Variants in STX8 observed in about 807,000 individuals in gnomAD.
The protein encoded by STX8 is syntaxin-8.
Under a neutral mutation model 37.5 loss-of-function variants are expected in STX8, and 23 were observed. The observed-to-expected ratio is 0.61, with a 90% CI of 0.44 to 0.87. STX8 has a LOEUF of 0.87. STX8 is among the 40% of genes least tolerant of loss of function. The probability of loss-of-function intolerance (pLI) is 0.00; values close to 1 mark genes in which losing one functional copy is unlikely to be tolerated. For synonymous variants in STX8, 115 were observed against 99.1 expected (o/e 1.16, Z -0.95); for missense variants, 313 against 284.7 (o/e 1.10, Z -0.71).
intron 6 of STX8, among the ~76,000 whole-genome samples, chr17:9,485,456 T>TA (rs899296947): frequency 3.0e-4 from 45 of 152,104 alleles, no homozygotes; most frequent in East Asian, 1.2e-3. Context: ...CCTCAAAGGG[T>TA]AAAAAAATGT....
chr17:9,570,962 T>C (rs760337179), intron 1 of STX8, among the ~76,000 whole-genome samples: 2 of 151,894 alleles, frequency 1.3e-5, no homozygotes, highest in Non-Finnish European at 2.9e-5. Flanking sequence ...CAAAGATGAA[T>C]GGAAGGAAAC....
At chr17:9,267,500 C>T (rs560109039) in intron 7 of STX8, among the ~76,000 whole-genome samples, 8 of 152,322 alleles carry the variant, frequency 5.3e-5, no homozygotes, top group Middle Eastern at 3.4e-3. Flanking sequence ...CACCACAGCA[C>T]GAGTGAGACC....
At chr17:9,439,097 A>G (rs1263469239) in intron 6 of STX8, among the ~76,000 whole-genome samples, 1 of 152,136 alleles carries the variant, frequency 6.6e-6, no homozygotes. Context: ...TAAAAATATA[A>G]ATGCCATTCT....
At chr17:9,461,393 C>T (rs763954399) in intron 6 of STX8, 1 of 152,130 alleles carries the variant, frequency 6.6e-6, no homozygotes, top group South Asian at 2.1e-4. Context: ...CCTACCACCA[C>T]CCTAGATTCT....
chr17:9,321,569 G>C (rs1298834101), intron 7 of STX8, among the ~76,000 whole-genome samples: 3 of 151,758 alleles, frequency 2.0e-5, no homozygotes, highest in Non-Finnish European at 4.4e-5. Context: ...GCCCAGGCTG[G>C]AGTACACTGG....
chr17:9,366,531 G>A (rs1286893227), intron 7 of STX8, among the ~76,000 whole-genome samples: 1 of 152,124 alleles, frequency 6.6e-6, no homozygotes, highest in African/African-American at 2.4e-5. Context: ...CACCCGGCCT[G>A]CGTTACATTT....
intron 7 of STX8, among the ~76,000 whole-genome samples, chr17:9,321,812 C>G (rs1189095459): frequency 6.6e-6 from 1 of 152,102 alleles, no homozygotes; most frequent in Non-Finnish European, 1.5e-5. Context: ...GCCGCCATGC[C>G]CAGCATAAAT....
chr17:9,439,432 G>T (rs1234632349), intron 6 of STX8, among the ~76,000 whole-genome samples: 1 of 151,956 alleles, frequency 6.6e-6, no homozygotes, highest in Non-Finnish European at 1.5e-5. Flanking sequence ...TTAAAAAATT[G>T]ATATCAGTTT....
At chr17:9,568,034 G>C in intron 2 of STX8, among the ~76,000 whole-genome samples, 1 of 152,050 alleles carries the variant, frequency 6.6e-6, no homozygotes, top group Non-Finnish European at 1.5e-5. Flanking sequence ...CTATTCTTGT[G>C]GTGAGAATGG....
At chr17:9,510,510 C>T (rs1295649111) in intron 4 of STX8, among the ~76,000 whole-genome samples, 1 of 152,070 alleles carries the variant, frequency 6.6e-6, no homozygotes, top group African/African-American at 2.4e-5. Flanking sequence ...ACAACATGCT[C>T]TTGAACAGCC....
At chr17:9,296,655 G>C (rs1280346268) in intron 7 of STX8, among the ~76,000 whole-genome samples, 4 of 150,692 alleles carry the variant, frequency 2.7e-5, no homozygotes, top group Non-Finnish European at 4.4e-5. Flanking sequence ...CAAACCAAGG[G>C]CATTTCTAGA....
intron 3 of STX8, chr17:9,553,144 G>A (rs1906837115): frequency 6.6e-6 from 1 of 152,112 alleles, no homozygotes; most frequent in South Asian, 2.1e-4. Flanking sequence ...AGTACTATCT[G>A]GAATTTCATA....
chr17:9,430,684 C>T (rs1913928986), intron 6 of STX8, among the ~76,000 whole-genome samples: 1 of 140,350 alleles, frequency 7.1e-6, no homozygotes, highest in Non-Finnish European at 1.5e-5. Flanking sequence ...GAGTCTCGCT[C>T]TGTTGCCCAG....
At chr17:9,387,125 T>C (rs950078909) in intron 6 of STX8, among the ~76,000 whole-genome samples, 1 of 152,198 alleles carries the variant, frequency 6.6e-6, no homozygotes, top group Non-Finnish European at 1.5e-5. Context: ...AGATCCAAAC[T>C]TTAGCAAACG....
chr17:9,568,292 G>A (rs1267341631), intron 2 of STX8, 79 bp downstream of exon 2: 2 of 1,031,188 alleles, frequency 1.9e-6, no homozygotes, highest in Non-Finnish European at 2.9e-6. Context: ...TGCACAGACA[G>A]CCTCAAAGAA....
intron 1 of STX8, among the ~76,000 whole-genome samples, chr17:9,571,942 G>A (rs968734857): frequency 6.6e-5 from 10 of 151,768 alleles, no homozygotes; most frequent in Non-Finnish European, 1.3e-4. Context: ...AGGTGTGGAG[G>A]GTAGAGATGA....
intron 6 of STX8, among the ~76,000 whole-genome samples, chr17:9,472,378 G>C (rs1185531714): frequency 2.6e-5 from 4 of 152,200 alleles, no homozygotes; most frequent in African/African-American, 9.7e-5. Context: ...TAGTGGGTAG[G>C]TGAGTATAAG....
At chr17:9,340,981 TTAAATTA>T (rs1247214227) in intron 7 of STX8, among the ~76,000 whole-genome samples, 13 of 147,004 alleles carry the variant, frequency 8.8e-5, no homozygotes, top group East Asian at 5.9e-4. Context: ...ATTGTAAAAT[TTAAATTA>T]TAAATTATAA....
At chr17:9,397,995 A>AT (rs1340594263) in intron 6 of STX8, among the ~76,000 whole-genome samples, 1 of 148,850 alleles carries the variant, frequency 6.7e-6, no homozygotes, top group Non-Finnish European at 1.5e-5. Flanking sequence ...CTCCAAAAAA[A>AT]AAAAAGAAAG....
Sources: gnomAD v4.1 joint callset for allele counts (sites outside exome capture counted in the v4.1 genomes callset) on GRCh38, gnomAD v4.1.1 for gene constraint, MANE v1.5 for transcripts, NCBI Gene and HGNC (gene_info 2026-07-23, HGNC 2026-07-21) for gene names.